BEST1: variants seen among roughly 807,000 people sequenced by gnomAD.
BEST1 encodes bestrophin-1.
A neutral mutation model predicts 63.3 loss-of-function variants in BEST1; 58 were observed. The observed-to-expected ratio is 0.92, with a 90% CI of 0.74 to 1.14. The LOEUF (loss-of-function observed/expected upper bound fraction) is 1.14. Among genes scored for constraint, BEST1 ranks in the 50% most tolerant of loss-of-function variants. The pLI, the probability that BEST1 is intolerant of heterozygous loss-of-function variation, is 0.00. For synonymous variants in BEST1, 283 were observed against 291.6 expected (o/e 0.97, Z 0.30); for missense variants, 671 against 740.1 (o/e 0.91, Z 1.08).
chr11:61,959,753 C>T (rs750155602), intron 8 of BEST1, 139 bp from the exon 9 acceptor site: 4 of 1,366,886 alleles, frequency 2.9e-6, no homozygotes, highest in Non-Finnish European at 4.1e-6. Flanking sequence ...AGGCTGCAGG[C>T]AGGCACCCAT....
At chr11:61,956,797 C>T in intron 4 of BEST1, 47 bp from the exon 5 acceptor site, 1 of 1,612,278 alleles carries the variant, frequency 6.2e-7, no homozygotes, top group Non-Finnish European at 8.5e-7. Context: ...CCGGCCATCC[C>T]TTCTGCAGGT....
chr11:61,959,913 G>T lies in BEST1; in HGVS notation c.970G>T (p.Glu324Ter), dbSNP rs1941876047. The change falls in exon 9 of 11, where the codon GAG (glutamate) becomes TAG (stop). Residue 324 changes from glutamate to a stop codon, truncating the protein, a stop_gained. Transcript: ENST00000378043. LOFTEE classifies it high-confidence loss of function. ...NLQVSLLAVD[E>*]MHQDLPRMEP... Reference sequence around the variant, plus strand: ...CCAGGTGTCCCTGTTGGCTGTGGATGAGATGCACCAGGACCTGCCTCGGAT... The same window carrying T: ...CCAGGTGTCCCTGTTGGCTGTGGATTAGATGCACCAGGACCTGCCTCGGAT... The T allele has an allele frequency of 1.2e-6, 2 of 1,613,784 alleles. No homozygotes were observed. The highest frequency in any genetic ancestry group is 1.3e-5 in the African/African-American group (1 of 75,062).
chr11:61,952,843 C>T (rs759309406), intron 2 of BEST1, among the ~76,000 whole-genome samples: 7 of 152,110 alleles, frequency 4.6e-5, no homozygotes, highest in Middle Eastern at 3.4e-3. Flanking sequence ...AGCAGTGACT[C>T]GCGTCTGTAA....
At chr11:61,954,842 T>C in intron 2 of BEST1, 1 of 985,436 alleles carries the variant, frequency 1.0e-6, no homozygotes, top group Non-Finnish European at 1.2e-6. Flanking sequence ...CAGCAGGACC[T>C]TCCTTCCTAC....
chr11:61,956,856 C>A lies in BEST1; in HGVS notation c.494C>A (p.Pro165Gln), dbSNP rs1422259821. The A allele has an allele frequency of 6.2e-7, 1 of 1,613,984 alleles. No individual in the cohort carries two copies. Among genetic ancestry groups the A allele is most frequent in the African/African-American group, 1.3e-5 (1 of 74,894 alleles). The change falls in exon 5 of 11, where the codon CCG becomes CAG. Residue 165 changes from proline to glutamine, a missense_variant. By Grantham distance (76) the Pro-to-Gln change is moderately conservative (BLOSUM62 -1). Coordinates refer to ENST00000378043, the MANE Select transcript of BEST1 (RefSeq NM_004183.4). ...CTCCACTCTGCAGGCTTTATGACTCCGGCAGAACACAAGCAGTTGGAGAAA... is the reference window on the plus strand; with the variant it reads ...CTCCACTCTGCAGGCTTTATGACTCAGGCAGAACACAAGCAGTTGGAGAAA... The part of the protein sequence containing the change: ...QHLVQAGFMT[P>Q]AEHKQLEKLS...
At position 61,955,177 on chromosome 11, in the gene BEST1, C is replaced by T. The variant is rs1335203485; in HGVS notation, c.223C>T (p.Leu75Phe). ...LTLYCDSYIQ[L>F]IPISFVLGFY... ...TCTGTATTGCGACAGCTACATCCAG[C>T]TCATCCCCATTTCCTTCGTGCTGGG... The change falls in exon 3 of 11, where the codon CTC becomes TTC. Residue 75 changes from leucine to phenylalanine, a missense_variant. Physicochemically the swap from Leu to Phe is conservative, Grantham distance 22. Transcript: ENST00000378043. The T allele has an allele frequency of 1.2e-6, 2 of 1,614,224 alleles. No homozygotes were observed. The highest frequency in any genetic ancestry group is 4.5e-5 in the East Asian group (2 of 44,876).
chr11:61,962,180 G>C, intron 9 of BEST1, 75 bp from the exon 10 acceptor site: 1 of 1,528,210 alleles, frequency 6.5e-7, no homozygotes, highest in Non-Finnish European at 9.0e-7. Flanking sequence ...AGAGGAGCGG[G>C]GGTAAGGGAG....
chr11:61,951,190 T>C (rs1333078151), intron 1 of BEST1, among the ~76,000 whole-genome samples: 2 of 151,752 alleles, frequency 1.3e-5, no homozygotes, highest in East Asian at 3.9e-4. Flanking sequence ...ACTGCCTTTG[T>C]CATTGTATTA....
chr11:61,958,944 TC>T (rs1425981768), intron 7 of BEST1: 7 of 225,886 alleles, frequency 3.1e-5, no homozygotes, highest in African/African-American at 5.0e-5. Context: ...TCCTCTAAAT[TC>T]CCCCTGCCCC....
In BEST1 at chr11:61,955,773, G is replaced by A. The variant is rs377468937; in HGVS notation, c.303G>A (p.Pro101=). ...GGTGGAACCAGTACGAGAACCTGCC[G>A]TGGCCCGACCGCCTCATGAGCCTGG... ...TRWWNQYENL[P]WPDRLMSLVS... is the part of the protein sequence containing the mutation. Residue 101 remains proline, a synonymous_variant, in exon 4 of 11, where the codon CCG becomes CCA. Transcript: ENST00000378043. 3 of 1,549,484 alleles carry A rather than the reference G, an allele frequency of 1.9e-6. No homozygotes were observed. The highest frequency in any genetic ancestry group is 1.7e-6 in the Non-Finnish European group (2 of 1,146,864).
rs1010316092 is a variant in BEST1, at chr11:61,950,839, G to A, written c.-37+412G>A. Among the ~76,000 whole-genome samples, 3 of 152,154 alleles carry A rather than the reference G, an allele frequency of 2.0e-5. No homozygotes were observed. In the East Asian group the frequency reaches 5.8e-4, roughly 29 times the overall value. On this transcript the variant is annotated intron_variant, in intron 1 of 10. Coordinates refer to ENST00000378043, the MANE Select transcript of BEST1 (RefSeq NM_004183.4). ...GAGACACAGAGCACCGGTGGCAGTG[G>A]GGCTCTATTTCCAGGTTGGATGGTT...
chr11:61,955,308 G>C, intron 3 of BEST1, 107 bp downstream of exon 3: 1 of 1,576,162 alleles, frequency 6.3e-7, no homozygotes, highest in Non-Finnish European at 8.6e-7. Context: ...GAGGGGGCGG[G>C]GGAACGCCAG....
At chr11:61,958,626 C>T (rs993907229) in intron 7 of BEST1, 9 of 575,780 alleles carry the variant, frequency 1.6e-5, no homozygotes, top group Admixed American at 1.1e-4. Context: ...GAAGGCAGAT[C>T]GGCACCACCT....
rs1056314841 is a variant in BEST1 at position 61,963,063 on chromosome 11, G to A, written c.1739+170G>A. 6.7e-6 allele frequency: 10 copies of A among 1,495,764 alleles called. No individual in the cohort carries two copies. In the African/African-American group the frequency reaches 1.3e-4, roughly 19 times the overall value. 92.7% of individuals were successfully genotyped at this position (1,495,764 alleles called of 1,614,324 possible). The stretch of plus-strand genomic sequence containing the variant: ...GGGTATATACTTGGCCACCTTCACA[G>A]GGATCCTAGGGAAGTGTTCGGGACC... On this transcript the variant is annotated intron_variant, in intron 10 of 10. Coordinates refer to ENST00000378043, the MANE Select transcript of BEST1 (RefSeq NM_004183.4).
chr11:61,962,626 G>T lies in BEST1; in HGVS notation c.1472G>T (p.Ser491Ile). 6.2e-7 allele frequency: 1 copy of T among 1,614,186 alleles called. No individual in the cohort carries two copies. Among genetic ancestry groups the T allele is most frequent in the East Asian group, 2.2e-5 (1 of 44,890 alleles). The change falls in exon 10 of 11, where the codon AGT (serine) becomes ATT (isoleucine). Residue 491 changes from serine to isoleucine, a missense_variant. Ser to Ile is a moderately radical substitution (Grantham distance 142). Coordinates refer to ENST00000378043, the MANE Select transcript of BEST1 (RefSeq NM_004183.4). ...CCATCAGCGCCGTCAAAGCTTCACA[G>T]TGTCACAGGCATAGACACCAAAGAC... The part of the protein sequence containing the change: ...LEPSAPSKLH[S>I]VTGIDTKDKS...
At chr11:61,958,344 G>C in intron 7 of BEST1, 46 bp downstream of exon 7, 1 of 1,613,892 alleles carries the variant, frequency 6.2e-7, no homozygotes, top group Non-Finnish European at 8.5e-7. Flanking sequence ...TGGCCAGAGG[G>C]GTCATGGCCA....
chr11:61,955,185 C>T lies in BEST1; in HGVS notation c.231C>T (p.Pro77=), dbSNP rs142053865. The T allele has an allele frequency of 1.8e-5, 29 of 1,614,100 alleles. No homozygotes were observed. The African/African-American group carries it at 3.9e-4, about 22-fold the overall frequency. ...GCGACAGCTACATCCAGCTCATCCC[C>T]ATTTCCTTCGTGCTGGGTGAGTTCC... ...LYCDSYIQLI[P]ISFVLGFYVT... is the part of the protein sequence containing the mutation. The change falls in exon 3 of 11, where the codon CCC becomes CCT. Residue 77 remains proline (P), a synonymous_variant. Coordinates refer to ENST00000378043, the MANE Select transcript of BEST1 (RefSeq NM_004183.4).
downstream of BEST1, chr11:61,964,627 G>C: frequency 7.9e-7 from 1 of 1,269,408 alleles, no homozygotes; most frequent in Admixed American, 1.8e-5. Context: ...TGGATGTTTT[G>C]GTACAACTTA....
At chr11:61,957,063 G>T in intron 5 of BEST1, 65 bp downstream of exon 5, 1 of 1,609,584 alleles carries the variant, frequency 6.2e-7, no homozygotes, top group Non-Finnish European at 8.5e-7. Flanking sequence ...AGGAAACAAG[G>T]TTTCCTACAA....
Sources: allele counts gnomAD v4.1 joint callset (sites outside exome capture counted in the v4.1 genomes callset), GRCh38; gene constraint gnomAD v4.1.1; transcripts MANE v1.5; gene names NCBI Gene and HGNC (gene_info 2026-07-23, HGNC 2026-07-21).